ATP8B4: variants seen among roughly 807,000 people sequenced by gnomAD.
The protein encoded by ATP8B4 is probable phospholipid-transporting ATPase IM.
In ATP8B4, 133 loss-of-function variants were observed where a neutral mutation model predicts 145.6. That is an observed-to-expected ratio of 0.91 (90% confidence interval 0.79 to 1.05). The LOEUF is 1.05. ATP8B4 is among the 50% of genes least tolerant of loss of function. ATP8B4 has a pLI of 0.00. For missense variants in ATP8B4, 1,458 were observed against 1,425.2 expected (o/e 1.02, Z -0.37); for synonymous variants, 507 against 492.9 (o/e 1.03, Z -0.38).
intron 20 of ATP8B4, among the ~76,000 whole-genome samples, chr15:49,915,812 T>G (rs1235849095): frequency 6.6e-6 from 1 of 151,468 alleles, no homozygotes; most frequent in Non-Finnish European, 1.5e-5. Flanking sequence ...AGTCATAGTT[T>G]CTAACCAGCA....
chr15:50,159,734 T>C (rs1340408811), intron 1 of ATP8B4, among the ~76,000 whole-genome samples: 3 of 152,242 alleles, frequency 2.0e-5, no homozygotes, highest in African/African-American at 7.2e-5. Context: ...GAAAAAATTA[T>C]ACGGCTTTTG....
chr15:49,957,126 G>A (rs184972873), intron 14 of ATP8B4, among the ~76,000 whole-genome samples: 8 of 151,966 alleles, frequency 5.3e-5, no homozygotes, highest in Non-Finnish European at 1.2e-4. Flanking sequence ...TTTTAAAGCT[G>A]CAAATCGACT....
chr15:50,179,354 T>A (rs1443976687), intron 1 of ATP8B4, among the ~76,000 whole-genome samples: 1 of 152,100 alleles, frequency 6.6e-6, no homozygotes, highest in Admixed American at 6.5e-5. Flanking sequence ...ATCGATCACC[T>A]TTCAAAGGAG....
At chr15:50,172,833 C>A (rs955264007) in intron 1 of ATP8B4, among the ~76,000 whole-genome samples, 2 of 151,848 alleles carry the variant, frequency 1.3e-5, no homozygotes, top group Non-Finnish European at 2.9e-5. Context: ...TGCCCCGCCA[C>A]CACCCCGTCT....
chr15:50,119,094 T>A (rs149514131), intron 1 of ATP8B4, 29 bp downstream of exon 1: 2 of 152,210 alleles, frequency 1.3e-5, no homozygotes, highest in Non-Finnish European at 2.9e-5. Flanking sequence ...TTCATCTCAC[T>A]AACCATTGAA....
intron 10 of ATP8B4, among the ~76,000 whole-genome samples, chr15:49,985,028 C>G (rs540666493): frequency 6.6e-6 from 1 of 152,114 alleles, no homozygotes; most frequent in Admixed American, 6.5e-5. Context: ...CATCTATATT[C>G]ATTGCACAAT....
chr15:49,930,854 T>A (rs184534619), intron 16 of ATP8B4, among the ~76,000 whole-genome samples: 1 of 152,110 alleles, frequency 6.6e-6, no homozygotes, highest in African/African-American at 2.4e-5. Flanking sequence ...GGTTTATTTT[T>A]AAAATTTTTT....
chr15:49,999,630 C>G (rs2047725588), intron 8 of ATP8B4, among the ~76,000 whole-genome samples: 1 of 152,078 alleles, frequency 6.6e-6, no homozygotes, highest in African/African-American at 2.4e-5. Context: ...GCCTGAGTAT[C>G]TTGATAAACT....
At chr15:49,885,564 T>C (rs2036086381) in intron 23 of ATP8B4, among the ~76,000 whole-genome samples, 1 of 152,224 alleles carries the variant, frequency 6.6e-6, no homozygotes, top group African/African-American at 2.4e-5. Flanking sequence ...TTGAATTAAT[T>C]ATTTTACAAC....
Position 50,172,263 on chromosome 15 carries a change from C to G in ATP8B4, c.-43+9998G>C, listed in dbSNP as rs2554883. On this transcript the variant is annotated intron_variant, in intron 1 of 3. Transcript: ENST00000558829. ...CCCTGCCTGATTCTCCTGCCTCAGC[C>G]TGCCGAGTGCCTGGGATTGCAGGCG... Among the ~76,000 whole-genome samples, 724 of 152,380 alleles carry G rather than the reference C, an allele frequency of 4.8e-3. 3 individuals carry two copies. Among genetic ancestry groups the G allele is most frequent in the Non-Finnish European group, 7.7e-3 (524 of 68,036 alleles).
chr15:50,086,159 TAATAA>T (rs1161478985), intron 2 of ATP8B4, among the ~76,000 whole-genome samples: 5 of 68,814 alleles, frequency 7.3e-5, no homozygotes, highest in Admixed American at 4.0e-4. Context: ...TTATTATATA[TAATAA>T]AATAATATAG....
intron 7 of ATP8B4, among the ~76,000 whole-genome samples, chr15:50,003,214 TCAA>T (rs1408899407): frequency 6.6e-6 from 1 of 151,948 alleles, no homozygotes; most frequent in Non-Finnish European, 1.5e-5. Context: ...AAATTTAGAA[TCAA>T]CTTACTTTCT....
At chr15:49,948,460 T>A (rs1207161933) in intron 14 of ATP8B4, among the ~76,000 whole-genome samples, 1 of 151,894 alleles carries the variant, frequency 6.6e-6, no homozygotes, top group Non-Finnish European at 1.5e-5. Context: ...AAAAAAAGAC[T>A]GCTCAGCAAA....
intron 19 of ATP8B4, 85 bp from the exon 20 acceptor site, chr15:49,917,124 G>A: frequency 7.5e-7 from 1 of 1,326,512 alleles, no homozygotes; most frequent in Non-Finnish European, 1.1e-6. Flanking sequence ...GGGCTTAGCT[G>A]TATTTTCTTA....
chr15:50,053,291 G>A (rs942888407), intron 3 of ATP8B4, among the ~76,000 whole-genome samples: 21 of 152,260 alleles, frequency 1.4e-4, no homozygotes, highest in African/African-American at 4.8e-4. Context: ...GCTTGTAAGT[G>A]GTGATTGTAA....
At chr15:49,912,130 A>C (rs1270387480) in intron 20 of ATP8B4, among the ~76,000 whole-genome samples, 2 of 152,128 alleles carry the variant, frequency 1.3e-5, no homozygotes, top group African/African-American at 4.8e-5. Flanking sequence ...AGAACCCGAA[A>C]AGCAAGAACA....
chr15:49,980,990 T>C (rs769887511), intron 11 of ATP8B4, among the ~76,000 whole-genome samples: 8 of 152,188 alleles, frequency 5.3e-5, no homozygotes, highest in Non-Finnish European at 1.0e-4. Context: ...AATACCTCCA[T>C]AAACACTAAC....
intron 6 of ATP8B4, among the ~76,000 whole-genome samples, chr15:50,012,497 C>T (rs777320577): frequency 1.3e-5 from 2 of 152,110 alleles, no homozygotes; most frequent in Admixed American, 6.6e-5. Context: ...TGGATGTTGA[C>T]GCCGAGCCTA....
At chr15:50,124,756 T>C (rs2057296386) in intron 1 of ATP8B4, among the ~76,000 whole-genome samples, 1 of 152,144 alleles carries the variant, frequency 6.6e-6, no homozygotes, top group South Asian at 2.1e-4. Context: ...CAATAGATCC[T>C]ACAGGGCTTG....
Sources: allele counts gnomAD v4.1 joint callset (sites outside exome capture counted in the v4.1 genomes callset), GRCh38; gene constraint gnomAD v4.1.1; transcripts MANE v1.5; gene names NCBI Gene and HGNC (gene_info 2026-07-23, HGNC 2026-07-21).